Variants in SPATA31F1 observed in about 807,000 individuals in gnomAD.
The protein encoded by SPATA31F1 is SPATA31 subfamily F member 1.
chr9:34,726,953 C>T, the SPATA31F1 span: 22 of 1,551,092 alleles, frequency 1.4e-5, no homozygotes, highest in East Asian at 4.4e-4. Context: ...ACACAGGATT[C>T]GCCGCACACT....
At chr9:34,726,979 C>G in the SPATA31F1 span, 4 of 1,546,316 alleles carry the variant, frequency 2.6e-6, no homozygotes, top group African/African-American at 2.7e-5. Flanking sequence ...CCAGAGGAAG[C>G]CAGCCCTGGC....
At chr9:34,723,402 C>T in the SPATA31F1 span, 3 of 1,551,726 alleles carry the variant, frequency 1.9e-6, no homozygotes, top group African/African-American at 2.7e-5. Flanking sequence ...AGCTTCTGAG[C>T]AGGACGAGAT....
chr9:34,727,197 A>T, the SPATA31F1 span, among the ~76,000 whole-genome samples: 2 of 152,244 alleles, frequency 1.3e-5, no homozygotes, highest in African/African-American at 4.8e-5. Context: ...TTGTTGGGCA[A>T]GGCCTCAGAC....
the SPATA31F1 span, chr9:34,723,434 G>C: frequency 1.3e-6 from 2 of 1,551,606 alleles, no homozygotes; most frequent in Admixed American, 3.9e-5. Flanking sequence ...GCACCCTGTC[G>C]GCTTCTCCGT....
chr9:34,729,207 A>G, the SPATA31F1 span: 2 of 1,463,968 alleles, frequency 1.4e-6, no homozygotes, highest in Non-Finnish European at 1.8e-6. Flanking sequence ...TGGGGTGGGG[A>G]TTATAAGGGA....
the SPATA31F1 span, chr9:34,728,000 A>T: frequency 6.5e-7 from 1 of 1,549,834 alleles, no homozygotes; most frequent in Non-Finnish European, 8.7e-7. Flanking sequence ...TTGTTGATAG[A>T]GTGCAAAGAG....
At chr9:34,726,026 T>C in the SPATA31F1 span, 1 of 1,538,630 alleles carries the variant, frequency 6.5e-7, no homozygotes, top group Non-Finnish European at 8.8e-7. Context: ...ACTTAGGGCT[T>C]TAAGGGCTGG....
chr9:34,726,318 A>C, the SPATA31F1 span: 1 of 1,537,512 alleles, frequency 6.5e-7, no homozygotes, highest in South Asian at 1.2e-5. Context: ...GGGAGCCCCC[A>C]CCTCTGGAAA....
the SPATA31F1 span, among the ~76,000 whole-genome samples, chr9:34,727,484 C>T: frequency 8.0e-3 from 1,224 of 152,276 alleles, 9 homozygotes; most frequent in Non-Finnish European, 0.01. Context: ...AGCATCTCTT[C>T]GGAACCAGTC....
the SPATA31F1 span, chr9:34,723,994 C>G: frequency 1.3e-6 from 2 of 1,550,096 alleles, no homozygotes; most frequent in African/African-American, 2.7e-5. Context: ...CTGCTGGCCT[C>G]TGGTCTTCAG....
At chr9:34,723,637 T>C in the SPATA31F1 span, 2 of 1,551,734 alleles carry the variant, frequency 1.3e-6, no homozygotes, top group Non-Finnish European at 1.7e-6. Flanking sequence ...TGGGCTTCTT[T>C]TGAGCATGGA....
the SPATA31F1 span, chr9:34,723,112 A>C: frequency 2.4e-6 from 3 of 1,245,260 alleles, no homozygotes; most frequent in South Asian, 1.6e-5. Flanking sequence ...CATTTATGGA[A>C]ATGACAATAC....
chr9:34,724,519 G>A, the SPATA31F1 span: 9 of 1,551,274 alleles, frequency 5.8e-6, no homozygotes, highest in South Asian at 2.4e-5. Flanking sequence ...TTGCCCTAAT[G>A]GGAATTCCCC....
the SPATA31F1 span, chr9:34,724,637 G>A: frequency 1.5e-3 from 2,350 of 1,528,070 alleles, 7 homozygotes; most frequent in African/African-American, 2.9e-3. Flanking sequence ...TAGAGGCAGC[G>A]TCTCCATTGT....
chr9:34,727,121 T>C, the SPATA31F1 span: 2 of 1,419,778 alleles, frequency 1.4e-6, no homozygotes, highest in Non-Finnish European at 1.8e-6. Flanking sequence ...TGTCTACCTG[T>C]CTGCTTTCCT....
the SPATA31F1 span, chr9:34,724,198 G>A: frequency 6.4e-7 from 1 of 1,551,390 alleles, no homozygotes; most frequent in Non-Finnish European, 8.7e-7. Flanking sequence ...TGTTCACATT[G>A]GCCTCTACCT....
At chr9:34,725,904 C>T in the SPATA31F1 span, 2 of 1,552,080 alleles carry the variant, frequency 1.3e-6, no homozygotes, top group Non-Finnish European at 1.7e-6. Flanking sequence ...ATGAAAGTGG[C>T]AACCAGGGAC....
At chr9:34,724,023 T>C in the SPATA31F1 span, 11 of 1,544,560 alleles carry the variant, frequency 7.1e-6, no homozygotes, top group Admixed American at 1.6e-4. Context: ...CTCTCTTCTC[T>C]GGTTGAGGAG....
At chr9:34,723,864 G>C in the SPATA31F1 span, 1 of 1,551,600 alleles carries the variant, frequency 6.4e-7, no homozygotes, top group East Asian at 2.4e-5. Context: ...GGGACTCGTG[G>C]AGGTAGCTGT....
Sources: allele counts gnomAD v4.1 joint callset (sites outside exome capture counted in the v4.1 genomes callset), GRCh38; gene constraint gnomAD v4.1.1; transcripts MANE v1.5; gene names NCBI Gene and HGNC (gene_info 2026-07-23, HGNC 2026-07-21).